DPYD: variants seen among roughly 807,000 people sequenced by gnomAD.
DPYD encodes dihydropyrimidine dehydrogenase [NADP(+)].
In DPYD, 109 loss-of-function variants were observed where a neutral mutation model predicts 116.2. The ratio of observed to expected loss-of-function variants is 0.94; its 90% CI spans 0.80 to 1.10. The LOEUF (loss-of-function observed/expected upper bound fraction) is 1.10. Among genes scored for constraint, DPYD ranks in the 50% least tolerant of loss-of-function variants. The pLI is 0.00. For synonymous variants in DPYD, 440 were observed against 432.0 expected (o/e 1.02, Z -0.23); for missense variants, 1,302 against 1,254.5 (o/e 1.04, Z -0.57).
At chr1:97,433,071 T>A (rs946887516) in intron 14 of DPYD, among the ~76,000 whole-genome samples, 15 of 152,178 alleles carry the variant, frequency 9.9e-5, no homozygotes, top group African/African-American at 3.6e-4. Context: ...GATATCTTTC[T>A]ACTGATCTTC....
chr1:97,293,464 A>T (rs11165837), intron 18 of DPYD, among the ~76,000 whole-genome samples: 96,626 of 152,038 alleles, frequency 0.64, 31,006 homozygotes, highest in South Asian at 0.81. Flanking sequence ...TATATTTCAA[A>T]AAAGCAGGCC....
chr1:97,593,380 G>A lies in DPYD; in HGVS notation c.966C>T (p.Cys322=), dbSNP rs768834079. ...TCGATGGCAATGGAGAGTGACAGGC[G>A]CACATTCCTGAATGATGAAAGGAAA... ...LVAKGSKAGM[C]ACHSPLPSIR... Residue 322 remains cysteine, a synonymous_variant, in exon 10 of 23, where the codon TGC becomes TGT. Transcript: ENST00000370192. 3.4e-5 allele frequency: 55 copies of A among 1,613,898 alleles called. No individual in the cohort carries two copies. The highest frequency in any genetic ancestry group is 2.0e-4 in the Admixed American group (12 of 59,992).
chr1:97,807,552 T>C (rs1161951151), intron 3 of DPYD, among the ~76,000 whole-genome samples: 3 of 152,128 alleles, frequency 2.0e-5, no homozygotes, highest in African/African-American at 7.2e-5. Context: ...TTATCTGTTA[T>C]GTTTCTTTCA....
intron 2 of DPYD, among the ~76,000 whole-genome samples, chr1:97,868,610 T>G (rs868209589): frequency 1.3e-5 from 2 of 151,796 alleles, no homozygotes; most frequent in South Asian, 4.1e-4. Context: ...GTAGTTAGAT[T>G]ACCATAATTA....
chr1:97,860,637 A>G (rs1483145923), intron 2 of DPYD, among the ~76,000 whole-genome samples: 1 of 152,142 alleles, frequency 6.6e-6, no homozygotes, highest in Non-Finnish European at 1.5e-5. Flanking sequence ...GTGCACAACG[A>G]CATTCCATAC....
chr1:97,545,744 T>G, intron 12 of DPYD: 1 of 1,508,086 alleles, frequency 6.6e-7, no homozygotes, highest in African/African-American at 1.4e-5. Flanking sequence ...GAAAGGGAAT[T>G]TCGTGCTCCA....
intron 4 of DPYD, among the ~76,000 whole-genome samples, chr1:97,728,326 G>A (rs1663385880): frequency 6.6e-6 from 1 of 152,004 alleles, no homozygotes; most frequent in Non-Finnish European, 1.5e-5. Flanking sequence ...CACGACATGT[G>A]CCACTTAGGT....
At chr1:97,848,005 A>G (rs1291141029) in intron 2 of DPYD, among the ~76,000 whole-genome samples, 1 of 152,200 alleles carries the variant, frequency 6.6e-6, no homozygotes, top group Non-Finnish European at 1.5e-5. Context: ...AACATACAAT[A>G]ATAGGAAACT....
chr1:97,581,284 A>G (rs982891492), intron 10 of DPYD, among the ~76,000 whole-genome samples: 4 of 127,530 alleles, frequency 3.1e-5, no homozygotes, highest in Admixed American at 9.9e-5. Flanking sequence ...CTGAGATCGC[A>G]CCACTGCACT....
At chr1:97,805,700 GACAA>G (rs1021562290) in intron 3 of DPYD, among the ~76,000 whole-genome samples, 6 of 151,580 alleles carry the variant, frequency 4.0e-5, no homozygotes, top group Non-Finnish European at 7.4e-5. Context: ...AGGAGAAGTA[GACAA>G]ACAAAAGTTC....
chr1:97,706,986 C>T (rs994819675), intron 5 of DPYD, among the ~76,000 whole-genome samples: 6 of 152,098 alleles, frequency 3.9e-5, no homozygotes, highest in African/African-American at 4.8e-5. Context: ...CCTATTTCTC[C>T]TAATCCTGTC....
chr1:97,450,255 T>C (rs1402585417), intron 13 of DPYD, 32 bp from the exon 14 acceptor site: 4 of 1,611,434 alleles, frequency 2.5e-6, no homozygotes, highest in Non-Finnish European at 3.4e-6. Context: ...TGAGTCTCCT[T>C]TTGACAAAGA....
intron 18 of DPYD, among the ~76,000 whole-genome samples, chr1:97,270,254 G>A (rs1336045761): frequency 2.0e-5 from 3 of 152,154 alleles, no homozygotes; most frequent in Non-Finnish European, 2.9e-5. Context: ...TCTTCCCAAA[G>A]GAAAGATATA....
chr1:97,721,046 T>C (rs957346232), intron 5 of DPYD: 10 of 1,350,448 alleles, frequency 7.4e-6, no homozygotes, highest in African/African-American at 1.5e-5. Flanking sequence ...ATTAATGTGG[T>C]TAAATAACAT....
chr1:97,318,882 T>G lies in DPYD; in HGVS notation c.2059-12585A>C, dbSNP rs554905977. Among the ~76,000 whole-genome samples, 8 of 148,480 alleles carry G rather than the reference T, an allele frequency of 5.4e-5. No homozygotes were observed. In the East Asian group the frequency reaches 1.6e-3, roughly 29 times the overall value. ...AGAACAGAAATTATAACAAACTATC[T>G]CTCAGACAACAGTGCAATCAAACTA... On this transcript the variant is annotated intron_variant, in intron 16 of 22. Coordinates refer to ENST00000370192, the MANE Select transcript of DPYD (RefSeq NM_000110.4).
chr1:97,224,983 ATCTAACTATCTGTCTGTCTG>A (rs1270824440), intron 19 of DPYD, among the ~76,000 whole-genome samples: 37 of 149,946 alleles, frequency 2.5e-4, no homozygotes, highest in African/African-American at 8.6e-4. Context: ...GTACAGATCT[ATCTAACTATCTGTCTGTCTG>A]TCTATCTATC....
chr1:97,095,421 A>G (rs1370969866), intron 21 of DPYD, among the ~76,000 whole-genome samples: 1 of 152,146 alleles, frequency 6.6e-6, no homozygotes. Flanking sequence ...AAATAAAGTT[A>G]TAACTGTACA....
chr1:97,573,271 C>T (rs540071772), intron 11 of DPYD, among the ~76,000 whole-genome samples: 30 of 151,992 alleles, frequency 2.0e-4, no homozygotes, highest in Non-Finnish European at 2.1e-4. Context: ...TTATGCCATC[C>T]AGGTGAAAAT....
rs945928959 is a variant in DPYD, at chr1:97,352,069, G to A, written c.2058+21492C>T. ...ACATTCTTTGGTATTCACTGCCAAGGAGGTTTGAACTTTCTAAAATGATGC... is the reference window on the plus strand; with the variant it reads ...ACATTCTTTGGTATTCACTGCCAAGAAGGTTTGAACTTTCTAAAATGATGC... On this transcript the variant is annotated intron_variant, in intron 16 of 22. Coordinates refer to ENST00000370192, the MANE Select transcript of DPYD (RefSeq NM_000110.4). Among the ~76,000 whole-genome samples, 3 of 152,256 alleles carry A rather than the reference G, an allele frequency of 2.0e-5. No individual in the cohort carries two copies. In the South Asian group the frequency reaches 6.2e-4, roughly 32 times the overall value.
Sources: allele counts gnomAD v4.1 joint callset (sites outside exome capture counted in the v4.1 genomes callset), GRCh38; gene constraint gnomAD v4.1.1; transcripts MANE v1.5; gene names NCBI Gene and HGNC (gene_info 2026-07-23, HGNC 2026-07-21).